CEP128: variants seen among roughly 807,000 people sequenced by gnomAD.
The protein encoded by CEP128 is centrosomal protein 128kDa.
Under a neutral mutation model 156.7 loss-of-function variants are expected in CEP128, and 132 were observed. That is an observed-to-expected ratio of 0.84 (90% CI 0.73 to 0.97). The LOEUF is 0.97. Ranked by LOEUF, CEP128 falls within the 50% of genes least tolerant of loss-of-function variation. The pLI is 0.00. For synonymous variants in CEP128, 469 were observed against 448.9 expected (o/e 1.04, Z -0.57); for missense variants, 1,252 against 1,281.9 (o/e 0.98, Z 0.36).
intron 19 of CEP128, among the ~76,000 whole-genome samples, chr14:80,667,328 T>C (rs1174972390): frequency 1.3e-5 from 2 of 152,134 alleles, no homozygotes; most frequent in East Asian, 1.9e-4. Flanking sequence ...GGCTTAATAA[T>C]TGGATGTGAA....
chr14:80,499,717 A>G lies in CEP128; in HGVS notation c.3182-2135T>C, dbSNP rs1887650107. On this transcript the variant is annotated intron_variant, in intron 24 of 24. Transcript: ENST00000555265. Reference sequence around the variant, plus strand: ...AAGTCATCAGATTACTATGGACCTCAGTGAAATCTGGTCTGGTCCCAGTCC... The same window carrying G: ...AAGTCATCAGATTACTATGGACCTCGGTGAAATCTGGTCTGGTCCCAGTCC... Among the ~76,000 whole-genome samples, 4 of 152,246 alleles carry G rather than the reference A, an allele frequency of 2.6e-5. No homozygotes were observed. In the South Asian group the frequency reaches 8.3e-4, roughly 31 times the overall value.
chr14:80,914,244 C>T lies in CEP128; in HGVS notation c.234+78G>A. The T allele has an allele frequency of 4.1e-6, 4 of 972,014 alleles. No homozygotes were observed. In the Admixed American group the frequency reaches 5.5e-5, roughly 13 times the overall value. 60.2% of individuals were successfully genotyped at this position (972,014 alleles called of 1,614,324 possible). A position where few individuals can be genotyped will look rare whatever the true frequency, so the allele number is the denominator to read the frequency against. ...ACTTCACAATGGTTTTTTCCTTTAG[C>T]TCACAGCCCCATTCCCCAAAACACT... On this transcript the variant is annotated intron_variant, in intron 4 of 24. Transcript: ENST00000555265.
At chr14:80,697,674 C>T (rs767662033) in intron 19 of CEP128, among the ~76,000 whole-genome samples, 13 of 151,964 alleles carry the variant, frequency 8.6e-5, no homozygotes, top group Non-Finnish European at 7.4e-5. Context: ...AGATGTTACA[C>T]TGTAACATCT....
At chr14:80,552,522 TCTA>T (rs1225749081) in intron 21 of CEP128, among the ~76,000 whole-genome samples, 1 of 152,152 alleles carries the variant, frequency 6.6e-6, no homozygotes, top group Non-Finnish European at 1.5e-5. Context: ...TTTAAAACGT[TCTA>T]CTAACATGTT....
intron 19 of CEP128, among the ~76,000 whole-genome samples, chr14:80,727,073 G>C (rs1341518414): frequency 2.0e-5 from 3 of 152,130 alleles, no homozygotes; most frequent in African/African-American, 7.2e-5. Context: ...TGGAGGCATG[G>C]AAACTGAAAG....
chr14:80,486,435 A>T (rs1056235098), downstream of CEP128, among the ~76,000 whole-genome samples: 1 of 152,110 alleles, frequency 6.6e-6, no homozygotes, highest in Non-Finnish European at 1.5e-5. Context: ...ACCAAGTTGG[A>T]AAACACTCTG....
intron 13 of CEP128, among the ~76,000 whole-genome samples, chr14:80,818,422 G>T (rs943499378): frequency 6.6e-6 from 1 of 152,252 alleles, no homozygotes; most frequent in Non-Finnish European, 1.5e-5. Flanking sequence ...TAGTAGATTA[G>T]CCTTACAAGG....
intron 20 of CEP128, among the ~76,000 whole-genome samples, chr14:80,577,127 G>A (rs953163778): frequency 7.2e-5 from 11 of 152,044 alleles, no homozygotes; most frequent in Non-Finnish European, 1.6e-4. Context: ...TTATGTCTTA[G>A]ATTCCTTTGC....
At chr14:80,666,256 G>A (rs1895607446) in intron 19 of CEP128, among the ~76,000 whole-genome samples, 1 of 152,186 alleles carries the variant, frequency 6.6e-6, no homozygotes, top group Non-Finnish European at 1.5e-5. Flanking sequence ...GCTGACACTG[G>A]AAGAAGAAAC....
intron 19 of CEP128, among the ~76,000 whole-genome samples, chr14:80,615,570 A>G (rs1012397972): frequency 2.0e-5 from 3 of 152,194 alleles, no homozygotes; most frequent in African/African-American, 7.2e-5. Flanking sequence ...CACAGACAAC[A>G]CAACTCCAAG....
chr14:80,506,943 G>A (rs1888004536), intron 23 of CEP128, among the ~76,000 whole-genome samples: 1 of 151,980 alleles, frequency 6.6e-6, no homozygotes, highest in South Asian at 2.1e-4. Flanking sequence ...GGGTCATGGA[G>A]GTGGATCCCT....
At chr14:80,612,061 A>C (rs551385954) in intron 19 of CEP128, among the ~76,000 whole-genome samples, 8 of 151,280 alleles carry the variant, frequency 5.3e-5, no homozygotes, top group Admixed American at 2.0e-4. Context: ...CTGTCTCAAA[A>C]AAATAAAAAA....
chr14:80,824,974 G>A (rs542843578), intron 13 of CEP128, among the ~76,000 whole-genome samples: 2 of 152,294 alleles, frequency 1.3e-5, no homozygotes, highest in African/African-American at 2.4e-5. Flanking sequence ...ACAGGTTCAC[G>A]TGGCTGGGGG....
downstream of CEP128, among the ~76,000 whole-genome samples, chr14:80,489,405 G>A (rs1887248816): frequency 6.6e-6 from 1 of 151,886 alleles, no homozygotes; most frequent in Non-Finnish European, 1.5e-5. Context: ...ACACCCTTCT[G>A]AACACTCTCT....
chr14:80,746,961 C>G (rs892212023), intron 18 of CEP128, among the ~76,000 whole-genome samples: 4 of 152,052 alleles, frequency 2.6e-5, no homozygotes. Context: ...ATATAAATAG[C>G]CAATAAGCAC....
intron 2 of CEP128, among the ~76,000 whole-genome samples, chr14:80,922,652 T>A (rs752775942): frequency 8.5e-5 from 13 of 152,328 alleles, no homozygotes; most frequent in Non-Finnish European, 1.8e-4. Context: ...AGACGAATTA[T>A]TAAGAGTAGA....
chr14:80,516,437 G>T (rs1317139399), intron 23 of CEP128, among the ~76,000 whole-genome samples: 1 of 152,132 alleles, frequency 6.6e-6, no homozygotes, highest in East Asian at 1.9e-4. Context: ...TCAGTTGGGG[G>T]AAAGGTGATG....
chr14:80,596,465 G>T (rs1892323771), intron 19 of CEP128, among the ~76,000 whole-genome samples: 1 of 151,990 alleles, frequency 6.6e-6, no homozygotes, highest in African/African-American at 2.4e-5. Flanking sequence ...AATAATCCAT[G>T]AGTCAAAGAA....
intron 18 of CEP128, among the ~76,000 whole-genome samples, chr14:80,755,366 CCTGA>C (rs1386316710): frequency 2.0e-5 from 3 of 152,112 alleles, no homozygotes; most frequent in East Asian, 3.9e-4. Context: ...ACTGGAGAAC[CCTGA>C]CTAATACAGA....
Sources: allele counts gnomAD v4.1 joint callset (sites outside exome capture counted in the v4.1 genomes callset), GRCh38; gene constraint gnomAD v4.1.1; transcripts MANE v1.5; gene names NCBI Gene and HGNC (gene_info 2026-07-23, HGNC 2026-07-21).